The following PARVA variants were observed in gnomAD, a reference collection of about 807,000 sequenced individuals.
PARVA encodes alpha-parvin.
PARVA carries 25 observed loss-of-function variants against 52.6 expected under a neutral mutation model. That is an observed-to-expected ratio of 0.48 (90% confidence interval 0.35 to 0.66). The LOEUF (loss-of-function observed/expected upper bound fraction) is 0.66, where lower values mean the gene tolerates loss of function less well. Ranked by LOEUF, PARVA falls within the 30% of genes least tolerant of loss-of-function variation. The pLI is 0.01. For missense variants in PARVA, 373 were observed against 450.9 expected (o/e 0.83, Z 1.56); for synonymous variants, 185 against 179.1 (o/e 1.03, Z -0.26).
At chr11:12,403,966 C>A (rs893181998) in intron 1 of PARVA, among the ~76,000 whole-genome samples, 6 of 152,218 alleles carry the variant, frequency 3.9e-5, no homozygotes, top group African/African-American at 1.2e-4. Context: ...TTACACTTTA[C>A]CAGTTATGGA....
At chr11:12,526,007 T>C (rs1052569918) in intron 12 of PARVA, among the ~76,000 whole-genome samples, 1 of 152,022 alleles carries the variant, frequency 6.6e-6, no homozygotes, top group African/African-American at 2.4e-5. Flanking sequence ...CAGTTCCAGT[T>C]GCAAGAATCC....
intron 1 of PARVA, among the ~76,000 whole-genome samples, chr11:12,444,953 C>T (rs1167279114): frequency 6.6e-6 from 1 of 152,092 alleles, no homozygotes; most frequent in Non-Finnish European, 1.5e-5. Flanking sequence ...GTTGAGAGGG[C>T]TTGTCGTATA....
chr11:12,397,819 C>CT (rs569053771), intron 1 of PARVA, among the ~76,000 whole-genome samples: 11,073 of 136,064 alleles, frequency 0.081, 477 homozygotes, highest in South Asian at 0.12. Flanking sequence ...GGGGGAAGGT[C>CT]TTTTTTTTTT....
chr11:12,514,675 C>T (rs1564868382), intron 10 of PARVA, among the ~76,000 whole-genome samples: 1 of 152,146 alleles, frequency 6.6e-6, no homozygotes, highest in African/African-American at 2.4e-5. Flanking sequence ...TTAGTAGAGA[C>T]GGGGTTTCAC....
chr11:12,421,285 G>A (rs1940146099), intron 1 of PARVA, among the ~76,000 whole-genome samples: 1 of 152,118 alleles, frequency 6.6e-6, no homozygotes, highest in Non-Finnish European at 1.5e-5. Flanking sequence ...TACTTAGGAA[G>A]TCCAAGTAAA....
intron 1 of PARVA, among the ~76,000 whole-genome samples, chr11:12,384,190 G>A (rs750098338): frequency 9.3e-4 from 142 of 152,086 alleles, no homozygotes; most frequent in Non-Finnish European, 1.3e-3. Flanking sequence ...TCGCCCTGAC[G>A]TTCTGTAAAT....
upstream of PARVA, chr11:12,377,493 CGAGGGAAGGGAAA>C (rs1939409599): frequency 7.1e-7 from 1 of 1,405,840 alleles, no homozygotes; most frequent in East Asian, 3.0e-5. Context: ...AGGGAGGGAG[CGAGGGAAGGGAAA>C]GGCGAGCGTG....
intron 1 of PARVA, among the ~76,000 whole-genome samples, chr11:12,403,152 C>A (rs947735537): frequency 6.6e-6 from 1 of 152,214 alleles, no homozygotes; most frequent in Non-Finnish European, 1.5e-5. Flanking sequence ...CTCCCTTTTT[C>A]CCAAGGCTTC....
intron 1 of PARVA, among the ~76,000 whole-genome samples, chr11:12,468,929 G>A (rs1344214910): frequency 1.3e-5 from 2 of 152,178 alleles, no homozygotes; most frequent in South Asian, 2.1e-4. Context: ...GACCAGAATT[G>A]ACATGATGAT....
At chr11:12,417,668 G>C (rs1015274564) in intron 1 of PARVA, among the ~76,000 whole-genome samples, 1 of 152,182 alleles carries the variant, frequency 6.6e-6, no homozygotes, top group Admixed American at 6.5e-5. Context: ...ATTTATTTAA[G>C]TGTTTTTCCA....
At chr11:12,456,804 A>G (rs1940703406) in intron 1 of PARVA, among the ~76,000 whole-genome samples, 1 of 152,060 alleles carries the variant, frequency 6.6e-6, no homozygotes, top group East Asian at 1.9e-4. Context: ...AGGCTCCCAT[A>G]GAGTACTATG....
At chr11:12,521,592 G>T (rs75802408) in intron 12 of PARVA, among the ~76,000 whole-genome samples, 1 of 152,082 alleles carries the variant, frequency 6.6e-6, no homozygotes, top group Non-Finnish European at 1.5e-5. Context: ...CCTAATCCTC[G>T]GTACCTGTTC....
chr11:12,511,475 G>C, intron 7 of PARVA, 39 bp from the exon 8 acceptor site: 1 of 1,607,450 alleles, frequency 6.2e-7, no homozygotes, highest in Non-Finnish European at 8.5e-7. Context: ...TAAGGGACAA[G>C]AGAAGAGTCA....
intron 1 of PARVA, among the ~76,000 whole-genome samples, chr11:12,450,905 C>A (rs565775199): frequency 6.6e-6 from 1 of 152,174 alleles, no homozygotes. Context: ...TTAGATGGTG[C>A]CCACCCAGAC....
intron 1 of PARVA, among the ~76,000 whole-genome samples, chr11:12,458,800 A>G (rs1564852147): frequency 6.6e-6 from 1 of 152,080 alleles, no homozygotes; most frequent in African/African-American, 2.4e-5. Context: ...GTGTGGAGAG[A>G]GAGAACTCCC....
At chr11:12,490,327 T>G (rs1451193530) in intron 4 of PARVA, among the ~76,000 whole-genome samples, 1 of 151,444 alleles carries the variant, frequency 6.6e-6, no homozygotes. Flanking sequence ...AGTTCAAGAC[T>G]AGCCTGATCA....
intron 4 of PARVA, among the ~76,000 whole-genome samples, chr11:12,483,546 G>T (rs1941116916): frequency 6.6e-6 from 1 of 152,180 alleles, no homozygotes; most frequent in Non-Finnish European, 1.5e-5. Flanking sequence ...TTCCCCCTGT[G>T]GTTGAGGGTG....
chr11:12,524,273 A>C (rs1484934390), intron 12 of PARVA, among the ~76,000 whole-genome samples: 4 of 152,200 alleles, frequency 2.6e-5, no homozygotes, highest in African/African-American at 9.7e-5. Context: ...GGTATTGCCC[A>C]ATTTTACCAG....
chr11:12,378,144 A>T lies in PARVA; in HGVS notation c.136+361A>T, dbSNP rs1939430772. On this transcript the variant is annotated intron_variant, in intron 1 of 12. Coordinates refer to ENST00000334956, the MANE Select transcript of PARVA (RefSeq NM_018222.5). ...CCCCAGCCCGCAGACAGTGCGATCC[A>T]GTAGGCCCTGCCCCGCCCTCTGCGC... Among the ~76,000 whole-genome samples the T allele has an allele frequency of 2.6e-5, 4 of 151,850 alleles. No individual in the cohort carries two copies. The South Asian group carries it at 8.3e-4, about 31-fold the overall frequency.
Sources: allele counts gnomAD v4.1 joint callset (sites outside exome capture counted in the v4.1 genomes callset), GRCh38; gene constraint gnomAD v4.1.1; transcripts MANE v1.5; gene names NCBI Gene and HGNC (gene_info 2026-07-23, HGNC 2026-07-21).